Variants in CDH13 observed in about 807,000 individuals in gnomAD.
CDH13 encodes cadherin-13.
In CDH13, 24 loss-of-function variants were observed where a neutral mutation model predicts 63.8. The ratio of observed to expected loss-of-function variants is 0.38; its 90% CI spans 0.27 to 0.53. The LOEUF is 0.53. CDH13 is among the 20% of genes least tolerant of loss of function. The pLI, the probability that CDH13 is intolerant of heterozygous loss-of-function variation, is 0.85. For synonymous variants in CDH13, 503 were observed against 355.3 expected, an observed-to-expected ratio of 1.42 and a Z score of -4.67; for missense variants, 1,049 against 903.1, an observed-to-expected ratio of 1.16 and a Z score of -2.07.
At chr16:83,793,695 C>G (rs1375980786) in intron 13 of CDH13, among the ~76,000 whole-genome samples, 2 of 152,006 alleles carry the variant, frequency 1.3e-5, no homozygotes, top group Admixed American at 6.6e-5. Flanking sequence ...ACCTGTCATC[C>G]CAGATACTCA....
At chr16:82,809,535 G>A (rs1440667948) in intron 1 of CDH13, among the ~76,000 whole-genome samples, 1 of 152,092 alleles carries the variant, frequency 6.6e-6, no homozygotes, top group African/African-American at 2.4e-5. Context: ...AAATCTATCA[G>A]AATACTAACC....
intron 10 of CDH13, among the ~76,000 whole-genome samples, chr16:83,737,805 C>T (rs1191561385): frequency 1.3e-5 from 2 of 152,148 alleles, no homozygotes; most frequent in African/African-American, 4.8e-5. Flanking sequence ...ATTCACAAGG[C>T]AAACAAAAAT....
At chr16:83,481,103 C>G (rs956062401) in intron 6 of CDH13, among the ~76,000 whole-genome samples, 1 of 152,228 alleles carries the variant, frequency 6.6e-6, no homozygotes, top group African/African-American at 2.4e-5. Flanking sequence ...GCCATTTTGT[C>G]ACATCAAAGA....
At chr16:82,790,562 C>T (rs542694831) in intron 1 of CDH13, among the ~76,000 whole-genome samples, 9 of 152,236 alleles carry the variant, frequency 5.9e-5, no homozygotes, top group African/African-American at 2.2e-4. Context: ...TAAAGCATAT[C>T]CTGCGTCCCA....
chr16:83,142,008 A>G (rs1005663925), intron 4 of CDH13, among the ~76,000 whole-genome samples: 1 of 152,132 alleles, frequency 6.6e-6, no homozygotes, highest in African/African-American at 2.4e-5. Flanking sequence ...AGCCCCAGAA[A>G]GTGGGGATGT....
intron 1 of CDH13, among the ~76,000 whole-genome samples, chr16:82,727,944 G>C (rs144799268): frequency 2.0e-5 from 3 of 152,092 alleles, no homozygotes; most frequent in Non-Finnish European, 4.4e-5. Flanking sequence ...GTCTCTGCAG[G>C]TTCAAATTCC....
chr16:82,857,079 G>A (rs766583918), intron 1 of CDH13, among the ~76,000 whole-genome samples: 2 of 152,182 alleles, frequency 1.3e-5, no homozygotes, highest in African/African-American at 4.8e-5. Context: ...AGTCCTGCAC[G>A]TTGACACAGA....
intron 2 of CDH13, among the ~76,000 whole-genome samples, chr16:82,907,282 C>T (rs1186542257): frequency 2.6e-5 from 4 of 152,112 alleles, no homozygotes; most frequent in African/African-American, 4.8e-5. Flanking sequence ...GGGTGGCCCA[C>T]AGTGACCCCC....
At chr16:83,396,241 C>T (rs533388880) in intron 6 of CDH13, among the ~76,000 whole-genome samples, 105 of 152,224 alleles carry the variant, frequency 6.9e-4, no homozygotes, top group Non-Finnish European at 1.2e-3. Flanking sequence ...TGTGTTTCAC[C>T]TTGTTGAACA....
intron 1 of CDH13, among the ~76,000 whole-genome samples, chr16:82,653,458 C>G (rs149770647): frequency 2.8e-4 from 43 of 152,290 alleles, no homozygotes; most frequent in African/African-American, 9.6e-4. Flanking sequence ...ATATATTTGA[C>G]TTGGGCCCTG....
intron 6 of CDH13, among the ~76,000 whole-genome samples, chr16:83,456,832 C>T (rs1372824572): frequency 2.0e-5 from 3 of 152,068 alleles, no homozygotes; most frequent in Admixed American, 2.0e-4. Context: ...CATGGTGGCA[C>T]ACACCTGTAA....
chr16:83,010,092 A>T (rs914661911), intron 2 of CDH13, among the ~76,000 whole-genome samples: 17 of 138,346 alleles, frequency 1.2e-4, no homozygotes, highest in African/African-American at 4.1e-4. Context: ...CTGAGATCAC[A>T]CCATTGCACT....
At chr16:82,985,028 G>T (rs1161361696) in intron 2 of CDH13, among the ~76,000 whole-genome samples, 1 of 152,160 alleles carries the variant, frequency 6.6e-6, no homozygotes, top group Non-Finnish European at 1.5e-5. Context: ...TGATGAGCAG[G>T]ACAGCATGCA....
At chr16:82,916,056 A>G (rs568198333) in intron 2 of CDH13, among the ~76,000 whole-genome samples, 1 of 152,142 alleles carries the variant, frequency 6.6e-6, no homozygotes, top group Non-Finnish European at 1.5e-5. Context: ...AGATGTTTCC[A>G]TAAAGAGGAG....
intron 2 of CDH13, among the ~76,000 whole-genome samples, chr16:83,015,767 C>T (rs891291066): frequency 6.8e-5 from 9 of 131,844 alleles, no homozygotes; most frequent in Non-Finnish European, 1.4e-4. Context: ...TTAGACTTGC[C>T]GTGGGTATGT....
At chr16:83,106,569 C>CA (rs542055458) in intron 3 of CDH13, among the ~76,000 whole-genome samples, 60 of 152,040 alleles carry the variant, frequency 3.9e-4, no homozygotes, top group African/African-American at 1.3e-3. Flanking sequence ...CAATACAAAA[C>CA]AAAAAAACAA....
chr16:82,630,059 G>A (rs1385224578), intron 1 of CDH13, among the ~76,000 whole-genome samples: 1 of 152,192 alleles, frequency 6.6e-6, no homozygotes, highest in Non-Finnish European at 1.5e-5. Flanking sequence ...TCGCTATAAA[G>A]TGGGGAGTTC....
chr16:82,775,480 C>T (rs138593778), intron 1 of CDH13, among the ~76,000 whole-genome samples: 39 of 152,286 alleles, frequency 2.6e-4, no homozygotes, highest in Admixed American at 3.3e-4. Flanking sequence ...AGGGTTAAAT[C>T]GCTAACATTT....
intron 11 of CDH13, among the ~76,000 whole-genome samples, chr16:83,749,992 C>A (rs1282591074): frequency 2.6e-5 from 4 of 152,130 alleles, no homozygotes; most frequent in Admixed American, 1.3e-4. Flanking sequence ...TTAACATAGT[C>A]ATTTATAAGA....
Sources: allele counts gnomAD v4.1 joint callset (sites outside exome capture counted in the v4.1 genomes callset), GRCh38; gene constraint gnomAD v4.1.1; transcripts MANE v1.5; gene names NCBI Gene and HGNC (gene_info 2026-07-23, HGNC 2026-07-21).